FAM120C: variants seen among roughly 807,000 people sequenced by gnomAD.
The protein encoded by FAM120C is family with sequence similarity 120 member C, also known as constitutive coactivator of PPAR-gamma-like protein 2.
In FAM120C, 14 loss-of-function variants were observed where a neutral mutation model predicts 71.2. That is an observed-to-expected ratio of 0.20 (90% confidence interval 0.13 to 0.31). FAM120C has a LOEUF of 0.31. Ranked by LOEUF, FAM120C falls within the 10% of genes least tolerant of loss-of-function variation. The pLI is 1.00. For missense variants in FAM120C, 500 were observed against 879.0 expected (o/e 0.57, Z 5.45); for synonymous variants, 354 against 353.2 (o/e 1.00, Z -0.03).
chrX:54,166,292 C>T (rs907305636), intron 1 of FAM120C, among the ~76,000 whole-genome samples: 10 of 111,732 alleles, frequency 8.9e-5, no homozygotes, highest in Non-Finnish European at 1.7e-4. Flanking sequence ...AGGGGTATAA[C>T]GGTAGAATCT....
chrX:54,074,957 A>G (rs782010172), intron 15 of FAM120C, among the ~76,000 whole-genome samples: 5 of 111,553 alleles, frequency 4.5e-5, no homozygotes, highest in Non-Finnish European at 7.5e-5. Context: ...CAGGAGTTTG[A>G]GACCAGCCTG....
intron 15 of FAM120C, 68 bp downstream of exon 15, chrX:54,080,164 C>A (rs2066757290): frequency 4.3e-6 from 4 of 929,863 alleles, no homozygotes; most frequent in Non-Finnish European, 4.7e-6. Context: ...GATGTGATCT[C>A]TTTTAGTTTA....
chrX:54,133,650 A>G lies in FAM120C; in HGVS notation c.1890+123T>C, dbSNP rs1182821112. The stretch of plus-strand genomic sequence containing the variant: ...CTTAGTAGGATGAGGGGCCCACCAC[A>G]TGTGGCCTTCTTTTTCTAACTTCAT... On this transcript the variant is annotated intron_variant, in intron 8 of 15. Coordinates refer to ENST00000375180, the MANE Select transcript of FAM120C (RefSeq NM_017848.6). The G allele has an allele frequency of 3.8e-6, 3 of 787,885 alleles. No homozygotes were observed. In the African/African-American group the frequency reaches 6.3e-5, roughly 16 times the overall value. 64.9% of individuals were successfully genotyped at this position (787,885 alleles called of 1,213,427 possible). A position where few individuals can be genotyped will look rare whatever the true frequency, so the allele number is the denominator to read the frequency against.
At chrX:54,110,338 C>T (rs935572914) in intron 10 of FAM120C, among the ~76,000 whole-genome samples, 5 of 109,520 alleles carry the variant, frequency 4.6e-5, no homozygotes, top group South Asian at 7.9e-4. Flanking sequence ...TTAAATAAGA[C>T]ACCAAAACAC....
Position 54,116,495 on chromosome X carries a change from A to T in FAM120C, c.2312+50T>A, listed in dbSNP as rs782694982. On this transcript the variant is annotated intron_variant, in intron 10 of 15. Coordinates refer to ENST00000375180, the MANE Select transcript of FAM120C (RefSeq NM_017848.6). ...AAAAGCAGGTGCTTAAAGGAAATAT[A>T]AAAAAAGTAAAAGAGAAAGAACAGG... 2.1e-5 allele frequency: 24 copies of T among 1,149,618 alleles called. No homozygotes were observed. The East Asian group carries it at 5.1e-4, about 25-fold the overall frequency. 94.7% of individuals were successfully genotyped at this position (1,149,618 alleles called of 1,213,427 possible).
intron 4 of FAM120C, among the ~76,000 whole-genome samples, chrX:54,146,165 G>A (rs189859448): frequency 1.0e-4 from 11 of 110,196 alleles, no homozygotes; most frequent in African/African-American, 3.0e-4. Flanking sequence ...CGTGGGGTGG[G>A]GGAAGGGGGG....
chrX:54,087,259 G>A (rs1557122061), intron 12 of FAM120C, among the ~76,000 whole-genome samples: 1 of 107,952 alleles, frequency 9.3e-6, no homozygotes, highest in Non-Finnish European at 1.9e-5. Context: ...GTTGCAGTGA[G>A]CCGAGGTCAC....
In FAM120C at chrX:54,076,345, CA is replaced by C. The variant is rs200954875; in HGVS notation, c.3037-3059del. On this transcript the variant is annotated intron_variant, in intron 15 of 15. Coordinates refer to ENST00000375180, the MANE Select transcript of FAM120C (RefSeq NM_017848.6). ...CTGTTTTTTTAAAAAAAAAAAAATA[CA>C]AAAAAAAAAAGAATTTAAGAACATA... Among the ~76,000 whole-genome samples, 858 of 90,515 alleles carry C rather than the reference CA, an allele frequency of 9.5e-3. 6 individuals are homozygous for C. The highest frequency in any genetic ancestry group is 0.032 in the African/African-American group (788 of 24,999). The allele number at this position is 90,515 out of a possible 115,157, so 78.6% of individuals were successfully genotyped here. A position where few individuals can be genotyped will look rare whatever the true frequency, so the allele number is the denominator to read the frequency against.
chrX:54,153,579 T>C (rs2067194256), intron 3 of FAM120C, among the ~76,000 whole-genome samples: 2 of 106,450 alleles, frequency 1.9e-5, no homozygotes, highest in African/African-American at 6.9e-5. Context: ...AGCTATTTTT[T>C]TTTTTTTTGA....
chrX:54,109,652 T>A (rs1169807177), intron 10 of FAM120C, among the ~76,000 whole-genome samples: 1 of 100,625 alleles, frequency 9.9e-6, no homozygotes, highest in Non-Finnish European at 2.0e-5. Context: ...CAAAGAAAAT[T>A]GGTACTGAGA....
At chrX:54,107,242 G>A (rs1250732690) in intron 10 of FAM120C, among the ~76,000 whole-genome samples, 2 of 109,133 alleles carry the variant, frequency 1.8e-5, no homozygotes, top group African/African-American at 3.3e-5. Context: ...GACTAGAGGC[G>A]TGTACCACCA....
intron 1 of FAM120C, among the ~76,000 whole-genome samples, chrX:54,179,816 G>A (rs2067338003): frequency 8.9e-6 from 1 of 111,890 alleles, no homozygotes; most frequent in Non-Finnish European, 1.9e-5. Flanking sequence ...AAAGATCAGA[G>A]TTTGTTTATA....
At chrX:54,153,998 G>A (rs1180649586) in intron 3 of FAM120C, among the ~76,000 whole-genome samples, 1 of 109,097 alleles carries the variant, frequency 9.2e-6, no homozygotes. Context: ...ACAGTGCCCG[G>A]CCAAGGATTT....
chrX:54,099,451 T>G (rs951503622), intron 10 of FAM120C, among the ~76,000 whole-genome samples: 1 of 112,210 alleles, frequency 8.9e-6, no homozygotes, highest in Non-Finnish European at 1.9e-5. Flanking sequence ...GTTTTCACTT[T>G]ATTTGTAGTC....
chrX:54,181,500 TC>T (rs1402012184), intron 1 of FAM120C, among the ~76,000 whole-genome samples: 2 of 112,005 alleles, frequency 1.8e-5, no homozygotes, highest in African/African-American at 6.5e-5. Context: ...GCCAAGCTGT[TC>T]CCCAGGCCCC....
intron 13 of FAM120C, among the ~76,000 whole-genome samples, chrX:54,085,281 A>G (rs1201065151): frequency 8.9e-6 from 1 of 112,266 alleles, no homozygotes; most frequent in Admixed American, 9.5e-5. Context: ...TTCAAACTAC[A>G]TAGCACAGAA....
intron 10 of FAM120C, among the ~76,000 whole-genome samples, chrX:54,095,270 C>T (rs1230150319): frequency 9.1e-6 from 1 of 109,425 alleles, no homozygotes; most frequent in East Asian, 2.9e-4. Context: ...CCTATTTATT[C>T]TATGTCTATT....
At chrX:54,074,524 T>C (rs1411020244) in intron 15 of FAM120C, among the ~76,000 whole-genome samples, 1 of 112,414 alleles carries the variant, frequency 8.9e-6, no homozygotes, top group Non-Finnish European at 1.9e-5. Context: ...ATTCAAGCAA[T>C]TCTCCTGCCT....
At chrX:54,181,237 C>A (rs2067348117) in intron 1 of FAM120C, among the ~76,000 whole-genome samples, 1 of 110,954 alleles carries the variant, frequency 9.0e-6, no homozygotes, top group South Asian at 3.9e-4. Flanking sequence ...ATTACTCCAG[C>A]CGACACCACT....
Sources: gnomAD v4.1 joint callset for allele counts (sites outside exome capture counted in the v4.1 genomes callset) on GRCh38, gnomAD v4.1.1 for gene constraint, MANE v1.5 for transcripts, NCBI Gene and HGNC (gene_info 2026-07-23, HGNC 2026-07-21) for gene names.